Variants in SP1 observed in about 807,000 individuals in gnomAD.
The protein encoded by SP1 is transcription factor Sp1.
Under a neutral mutation model 66.3 loss-of-function variants are expected in SP1, and 6 were observed. The ratio of observed to expected loss-of-function variants is 0.09; its 90% CI spans 0.05 to 0.18. The LOEUF (loss-of-function observed/expected upper bound fraction) is 0.18, where lower values mean the gene tolerates loss of function less well. SP1 is among the 10% of genes least tolerant of loss of function. SP1 has a pLI of 1.00. For missense variants in SP1, 848 were observed against 964.5 expected, an observed-to-expected ratio of 0.88 and a Z score of 1.60; for synonymous variants, 417 against 360.8, an observed-to-expected ratio of 1.16 and a Z score of -1.77.
At chr12:53,408,945 G>C (rs966689886) in intron 4 of SP1, among the ~76,000 whole-genome samples, 1 of 151,918 alleles carries the variant, frequency 6.6e-6, no homozygotes, top group African/African-American at 2.4e-5. Context: ...CCTTGGTCCA[G>C]TGCAGTGGCT....
At chr12:53,390,440 T>C (rs1357929080) in intron 3 of SP1, among the ~76,000 whole-genome samples, 1 of 152,148 alleles carries the variant, frequency 6.6e-6, no homozygotes, top group African/African-American at 2.4e-5. Flanking sequence ...CCCAGCACTT[T>C]GGGAGGCCAA....
rs1227809999 is a variant in SP1 at position 53,382,671 on chromosome 12, G to A, written c.724G>A (p.Ala242Thr). Residue 242 changes from alanine to threonine, a missense_variant, in exon 3 of 6, where the codon GCT becomes ACT. Ala to Thr is a moderately conservative substitution (Grantham distance 58). This residue lies in a region of SP1 where 606 missense variants were observed against 589.9 expected (regional missense o/e 1.03). Transcript: ENST00000327443. The stretch of plus-strand genomic sequence containing the variant: ...GCAGGCTGTCCCCCTCCAAGGCCTG[G>A]CTAATAATGTACTCTCAGGACAGAC... ...LQQAVPLQGL[A>T]NNVLSGQTQY... is the part of the protein sequence containing the mutation. 11 of 1,614,106 alleles carry A rather than the reference G, an allele frequency of 6.8e-6. 1 individual carries two copies. In the South Asian group the frequency reaches 1.1e-4, roughly 16 times the overall value.
chr12:53,386,013 A>G (rs551010633), intron 3 of SP1, among the ~76,000 whole-genome samples: 7 of 152,354 alleles, frequency 4.6e-5, no homozygotes, highest in Non-Finnish European at 8.8e-5. Flanking sequence ...TTGAAGGGAA[A>G]ATGATCTAAC....
chr12:53,390,797 TG>T (rs1417850744), intron 3 of SP1, among the ~76,000 whole-genome samples: 1 of 152,212 alleles, frequency 6.6e-6, no homozygotes, highest in African/African-American at 2.4e-5. Flanking sequence ...TCTTTATAAA[TG>T]ACGTCATTGT....
rs1295888509 is a variant in SP1 at position 53,380,246 on chromosome 12, A to G, written c.-46A>G. On this transcript the variant is annotated 5_prime_UTR_variant, in exon 1 of 6. Coordinates refer to ENST00000327443, the MANE Select transcript of SP1 (RefSeq NM_138473.3). ...TCCGCGTTTTTCCCGGCCCCCCCCA[A>G]CCCCCCCGGACAGGACCCCCTTGAG... 3.5e-6 allele frequency: 2 copies of G among 570,466 alleles called. No homozygotes were observed. Among genetic ancestry groups the G allele is most frequent in the Non-Finnish European group, 6.5e-6 (2 of 308,880 alleles). 35.3% of individuals were successfully genotyped at this position (570,466 alleles called of 1,614,324 possible). A position where few individuals can be genotyped will look rare whatever the true frequency, so the allele number is the denominator to read the frequency against.
At chr12:53,386,102 G>C (rs929849536) in intron 3 of SP1, among the ~76,000 whole-genome samples, 2 of 152,196 alleles carry the variant, frequency 1.3e-5, no homozygotes, top group African/African-American at 4.8e-5. Context: ...TGGTTAATCA[G>C]GATTGAATTT....
chr12:53,389,533 G>T (rs771633577), intron 3 of SP1, among the ~76,000 whole-genome samples: 1 of 151,922 alleles, frequency 6.6e-6, no homozygotes, highest in Non-Finnish European at 1.5e-5. Context: ...TTTTAGTAGA[G>T]ACTGGGTTTC....
chr12:53,389,645 A>G (rs1475180813), intron 3 of SP1, among the ~76,000 whole-genome samples: 1 of 151,352 alleles, frequency 6.6e-6, no homozygotes, highest in Non-Finnish European at 1.5e-5. Flanking sequence ...TCCCTCTTTT[A>G]TCAACAGCTT....
chr12:53,404,342 G>A (rs1938679630), intron 3 of SP1, among the ~76,000 whole-genome samples: 2 of 151,814 alleles, frequency 1.3e-5, no homozygotes, highest in Admixed American at 6.6e-5. Context: ...CCAGCCTGTC[G>A]AAGATGGTGA....
intron 3 of SP1, among the ~76,000 whole-genome samples, chr12:53,394,355 A>G (rs1938424714): frequency 6.6e-6 from 1 of 151,860 alleles, no homozygotes; most frequent in Non-Finnish European, 1.5e-5. Flanking sequence ...GAAATTTTCC[A>G]AAAAATCAAG....
At chr12:53,403,707 A>G (rs1006635480) in intron 3 of SP1, among the ~76,000 whole-genome samples, 1 of 152,158 alleles carries the variant, frequency 6.6e-6, no homozygotes, top group Non-Finnish European at 1.5e-5. Context: ...AGATGCTGTG[A>G]TAGACTAATA....
In SP1 at chr12:53,382,213, G is replaced by A. The variant is rs773597100; in HGVS notation, c.266G>A (p.Gly89Glu). Residue 89 changes from glycine to glutamate, a missense_variant, in exon 3 of 6, where the codon GGA (glycine) becomes GAA (glutamate). Physicochemically the swap from Gly to Glu is moderately conservative, Grantham distance 98. Around this residue, in one of 7 missense-constraint regions of SP1, gnomAD observed 606 missense variants for 589.9 expected, o/e 1.03. Transcript: ENST00000327443. ...TCCCAGGGCCCGAGTCAGTCAGGGG[G>A]AACAGGTGAGCTTGACCTCACAGCC... ...NNSQGPSQSG[G>E]TGELDLTATQ... 1.2e-4 allele frequency: 197 copies of A among 1,614,046 alleles called. No individual in the cohort carries two copies. The highest frequency in any genetic ancestry group is 1.6e-4 in the Non-Finnish European group (193 of 1,180,042).
At chr12:53,390,461 C>T (rs1203080018) in intron 3 of SP1, among the ~76,000 whole-genome samples, 5 of 152,020 alleles carry the variant, frequency 3.3e-5, no homozygotes, top group Non-Finnish European at 5.9e-5. Context: ...GGCGGGTGGA[C>T]TGCCTGAGCT....
chr12:53,402,723 T>A (rs1176908781), intron 3 of SP1, among the ~76,000 whole-genome samples: 3 of 135,780 alleles, frequency 2.2e-5, no homozygotes, highest in Non-Finnish European at 3.1e-5. Context: ...TCCCATCACT[T>A]TGGGAGGTCG....
intron 3 of SP1, among the ~76,000 whole-genome samples, chr12:53,400,028 G>A (rs1938574819): frequency 6.6e-6 from 1 of 152,162 alleles, no homozygotes; most frequent in Non-Finnish European, 1.5e-5. Flanking sequence ...CTCCCAAAGT[G>A]CTTGGATTAC....
intron 3 of SP1, among the ~76,000 whole-genome samples, chr12:53,388,374 A>G (rs923560316): frequency 1.3e-5 from 2 of 152,158 alleles, no homozygotes; most frequent in South Asian, 2.1e-4. Flanking sequence ...TTAATATGTC[A>G]TAGACTAGGG....
At chr12:53,380,673 G>C in intron 1 of SP1, 1 of 989,228 alleles carries the variant, frequency 1.0e-6, no homozygotes, top group Non-Finnish European at 1.2e-6. Flanking sequence ...CGCCTGCCTG[G>C]TCCGCCCTCT....
In SP1 at chr12:53,382,215, A is replaced by G. The variant is rs747502519; in HGVS notation, c.268A>G (p.Thr90Ala). Reference protein sequence around the residue: ...NSQGPSQSGGTGELDLTATQL... With the variant: ...NSQGPSQSGGAGELDLTATQL... The stretch of plus-strand genomic sequence containing the variant: ...CCAGGGCCCGAGTCAGTCAGGGGGA[A>G]CAGGTGAGCTTGACCTCACAGCCAC... The change falls in exon 3 of 6, where the codon ACA becomes GCA. Residue 90 changes from threonine (T) to alanine (A), a missense_variant. Transcript: ENST00000327443. 2.9e-5 allele frequency: 47 copies of G among 1,614,074 alleles called. No homozygotes were observed. Among genetic ancestry groups the G allele is most frequent in the Non-Finnish European group, 4.0e-5 (47 of 1,180,040 alleles).
chr12:53,383,068 A>G lies in SP1; in HGVS notation c.1121A>G (p.Gln374Arg). The G allele has an allele frequency of 6.2e-7, 1 of 1,614,186 alleles. No homozygotes were observed. The highest frequency in any genetic ancestry group is 1.1e-5 in the South Asian group (1 of 91,090). The stretch of plus-strand genomic sequence containing the variant: ...GATGCTCTGAACATCCAGCAAAACC[A>G]GACATCTGGAGGCTCATTGCAAGCA... ...GSDALNIQQNQTSGGSLQAGQ... is the reference protein window; with the variant it reads ...GSDALNIQQNRTSGGSLQAGQ... Residue 374 changes from glutamine (Q) to arginine (R), a missense_variant, in exon 3 of 6, where the codon CAG (glutamine) becomes CGG (arginine). Gln to Arg is a conservative substitution (Grantham distance 43). This residue lies in a region of SP1 where 606 missense variants were observed against 589.9 expected (regional missense o/e 1.03). Coordinates refer to ENST00000327443, the MANE Select transcript of SP1 (RefSeq NM_138473.3).
Sources: allele counts gnomAD v4.1 joint callset (sites outside exome capture counted in the v4.1 genomes callset), GRCh38; gene constraint gnomAD v4.1.1; regional missense constraint gnomAD v4.1.1; transcripts MANE v1.5; gene names NCBI Gene and HGNC (gene_info 2026-07-23, HGNC 2026-07-21).